OPCML: variants seen among roughly 807,000 people sequenced by gnomAD.
OPCML encodes opioid-binding protein/cell adhesion molecule.
A neutral mutation model predicts 37.8 loss-of-function variants in OPCML; 13 were observed. That is an observed-to-expected ratio of 0.34 (90% CI 0.22 to 0.55). The LOEUF is 0.55. Among genes scored for constraint, OPCML ranks in the 20% least tolerant of loss-of-function variants. The probability of loss-of-function intolerance (pLI) is 0.91; values close to 1 mark genes in which losing one functional copy is unlikely to be tolerated. For synonymous variants in OPCML, 176 were observed against 168.8 expected (o/e 1.04, Z -0.33); for missense variants, 341 against 435.6 (o/e 0.78, Z 1.93).
chr11:132,585,947 G>C (rs1297891332), intron 3 of OPCML, among the ~76,000 whole-genome samples: 1 of 152,172 alleles, frequency 6.6e-6, no homozygotes, highest in East Asian at 1.9e-4. Context: ...GGGGTAAGTT[G>C]TTGGATGCAG....
intron 1 of OPCML, among the ~76,000 whole-genome samples, chr11:133,455,248 T>C (rs1946651295): frequency 6.6e-6 from 1 of 152,230 alleles, no homozygotes; most frequent in African/African-American, 2.4e-5. Flanking sequence ...ACCCTGGACA[T>C]GCAATTAGTC....
At chr11:132,429,692 T>G (rs981268385) in intron 7 of OPCML, among the ~76,000 whole-genome samples, 2 of 152,194 alleles carry the variant, frequency 1.3e-5, no homozygotes, top group African/African-American at 4.8e-5. Context: ...CAATCTTCAG[T>G]GTGCATAGGA....
chr11:132,683,820 T>C (rs1943054110), intron 2 of OPCML, among the ~76,000 whole-genome samples: 1 of 152,172 alleles, frequency 6.6e-6, no homozygotes, highest in Admixed American at 6.5e-5. Flanking sequence ...GCAAGGGACC[T>C]TGGGAAAGTG....
chr11:133,377,774 T>G (rs189224042), intron 1 of OPCML, among the ~76,000 whole-genome samples: 1 of 152,148 alleles, frequency 6.6e-6, no homozygotes, highest in Non-Finnish European at 1.5e-5. Context: ...TTCTCCTCAC[T>G]AAATTATCTC....
In OPCML at chr11:133,452,188, G is replaced by C. The variant is rs539741023; in HGVS notation, c.61+80076C>G. 2.6e-5 allele frequency among the ~76,000 whole-genome samples: 4 copies of C among 151,616 alleles called. No individual in the cohort carries two copies. The East Asian group carries it at 5.8e-4, about 22-fold the overall frequency. The stretch of plus-strand genomic sequence containing the variant: ...CAACCCCAAGACAACTCAGATGATG[G>C]AATCAGTAGACAAGTATTTTAATAG... On this transcript the variant is annotated intron_variant, in intron 1 of 7. Transcript: ENST00000524381.
Position 132,419,494 on chromosome 11 carries a change from T to C in OPCML, c.*699A>G, listed in dbSNP as rs1267530302. ...TATCTTCAAAATGCCTCCCCCTTTT[T>C]TGGTTACTTGACTTGCAAAATTTAG... On this transcript the variant is annotated 3_prime_UTR_variant, in exon 8 of 8. Transcript: ENST00000524381. 2 of 152,198 alleles carry C rather than the reference T, an allele frequency of 1.3e-5. No individual in the cohort carries two copies. Among genetic ancestry groups the C allele is most frequent in the Non-Finnish European group, 2.9e-5 (2 of 68,024 alleles). The allele number at this position is 152,198 out of a possible 1,614,324, so 9.4% of individuals were successfully genotyped here.
intron 2 of OPCML, among the ~76,000 whole-genome samples, chr11:132,935,435 T>C (rs1945338942): frequency 6.6e-6 from 1 of 152,236 alleles, no homozygotes; most frequent in Non-Finnish European, 1.5e-5. Flanking sequence ...TTGTCTTCTG[T>C]GGACTAGCCA....
At chr11:132,530,478 ACATGTAAC>A (rs1355511591) in intron 3 of OPCML, among the ~76,000 whole-genome samples, 1 of 151,814 alleles carries the variant, frequency 6.6e-6, no homozygotes, top group Non-Finnish European at 1.5e-5. Context: ...TCTATTCCCT[ACATGTAAC>A]CAGAGCAGTC....
intron 2 of OPCML, among the ~76,000 whole-genome samples, chr11:132,706,275 A>G (rs1944032714): frequency 6.6e-6 from 1 of 152,194 alleles, no homozygotes; most frequent in Non-Finnish European, 1.5e-5. Flanking sequence ...TAAAAGGGCC[A>G]AAAAAGTGGA....
Position 132,416,803 on chromosome 11 carries a change from C to T in OPCML, c.*3390G>A, listed in dbSNP as rs934695476. ...TTTCACAACCACTTCTCTACATCTC[C>T]CCCTCCCTGAATTAAAGCAAGAATG... is the stretch of plus-strand genomic sequence containing the variant. On this transcript the variant is annotated 3_prime_UTR_variant, in exon 8 of 8. Coordinates refer to ENST00000524381, the MANE Select transcript of OPCML (RefSeq NM_001012393.5). 5.2e-5 allele frequency: 8 copies of T among 152,678 alleles called. No individual in the cohort carries two copies. The highest frequency in any genetic ancestry group is 2.6e-4 in the Admixed American group (4 of 15,304). 9.5% of individuals were successfully genotyped at this position (152,678 alleles called of 1,614,324 possible).
intron 1 of OPCML, among the ~76,000 whole-genome samples, chr11:133,497,895 TC>T (rs767021284): frequency 6.6e-6 from 1 of 152,092 alleles, no homozygotes; most frequent in Non-Finnish European, 1.5e-5. Context: ...AACCAGCATC[TC>T]CCCACTGCAA....
intron 4 of OPCML, among the ~76,000 whole-genome samples, chr11:132,502,350 A>C (rs774943736): frequency 5.8e-4 from 87 of 151,252 alleles, no homozygotes; most frequent in Non-Finnish European, 1.2e-3. Context: ...TCCCTTCTTC[A>C]CCCTTGCATC....
At chr11:132,900,167 T>C (rs139571541) in intron 2 of OPCML, among the ~76,000 whole-genome samples, 1 of 152,202 alleles carries the variant, frequency 6.6e-6, no homozygotes, top group Non-Finnish European at 1.5e-5. Context: ...CAAGTAGCCA[T>C]GCCCACAGCA....
intron 4 of OPCML, among the ~76,000 whole-genome samples, chr11:132,510,013 C>T (rs540394247): frequency 6.6e-6 from 1 of 152,314 alleles, no homozygotes; most frequent in South Asian, 2.1e-4. Context: ...GGAAGCTGTA[C>T]CCTGTAAACC....
chr11:132,779,333 C>T (rs1228214264), intron 2 of OPCML, among the ~76,000 whole-genome samples: 1 of 152,096 alleles, frequency 6.6e-6, no homozygotes, highest in East Asian at 1.9e-4. Context: ...GATCTGAAGA[C>T]AGTTTCTCTA....
chr11:132,647,872 C>G (rs1034178207), intron 3 of OPCML, among the ~76,000 whole-genome samples: 1 of 152,180 alleles, frequency 6.6e-6, no homozygotes, highest in South Asian at 2.1e-4. Context: ...GATTATTTTG[C>G]TTCACTTCTA....
intron 2 of OPCML, among the ~76,000 whole-genome samples, chr11:132,743,508 C>A (rs928672884): frequency 6.6e-6 from 1 of 152,160 alleles, no homozygotes; most frequent in Non-Finnish European, 1.5e-5. Flanking sequence ...TTAGAAATTG[C>A]ACAAAAGTAA....
intron 1 of OPCML, among the ~76,000 whole-genome samples, chr11:133,287,825 G>A (rs1942348006): frequency 6.6e-6 from 1 of 152,170 alleles, no homozygotes; most frequent in Non-Finnish European, 1.5e-5. Context: ...TGGAGAAGGA[G>A]GAAACTGTCA....
At chr11:133,202,186 T>C (rs1372373364) in intron 1 of OPCML, among the ~76,000 whole-genome samples, 1 of 152,182 alleles carries the variant, frequency 6.6e-6, no homozygotes, top group Non-Finnish European at 1.5e-5. Context: ...GAGGTCTGCA[T>C]GCCCAGAGGA....
Sources: allele counts gnomAD v4.1 joint callset (sites outside exome capture counted in the v4.1 genomes callset), GRCh38; gene constraint gnomAD v4.1.1; transcripts MANE v1.5; gene names NCBI Gene and HGNC (gene_info 2026-07-23, HGNC 2026-07-21).